TMEM178B: variants seen among roughly 807,000 people sequenced by gnomAD.
The protein encoded by TMEM178B is transmembrane protein 178B.
A neutral mutation model predicts 31.0 loss-of-function variants in TMEM178B; 5 were observed. That is an observed-to-expected ratio of 0.16 (90% CI 0.08 to 0.34). The LOEUF is 0.34. TMEM178B is among the 10% of genes least tolerant of loss of function. The pLI, the probability that TMEM178B is intolerant of heterozygous loss-of-function variation, is 1.00. For missense variants in TMEM178B, 275 were observed against 400.3 expected, an observed-to-expected ratio of 0.69 and a Z score of 2.67; for synonymous variants, 164 against 164.0, an observed-to-expected ratio of 1.00 and a Z score of 0.00.
chr7:141,364,521 A>G (rs550352667), intron 2 of TMEM178B, among the ~76,000 whole-genome samples: 2 of 152,086 alleles, frequency 1.3e-5, no homozygotes, highest in East Asian at 1.9e-4. Flanking sequence ...TTAGCCGGGC[A>G]TGGTGGCACG....
chr7:141,353,273 C>T (rs1489691945), intron 2 of TMEM178B, among the ~76,000 whole-genome samples: 1 of 152,134 alleles, frequency 6.6e-6, no homozygotes, highest in Non-Finnish European at 1.5e-5. Flanking sequence ...TAAGAATGCC[C>T]TCATGAGCAT....
At chr7:141,312,417 G>C (rs1194778784) in intron 2 of TMEM178B, among the ~76,000 whole-genome samples, 2 of 152,340 alleles carry the variant, frequency 1.3e-5, no homozygotes, top group Middle Eastern at 3.4e-3. Flanking sequence ...GAGTAATCAT[G>C]AAGCTATTCT....
chr7:141,287,426 C>G (rs1231589470), intron 2 of TMEM178B, among the ~76,000 whole-genome samples: 1 of 152,032 alleles, frequency 6.6e-6, no homozygotes, highest in African/African-American at 2.4e-5. Flanking sequence ...TTTAATCAAC[C>G]CTCAACCCTT....
intron 2 of TMEM178B, among the ~76,000 whole-genome samples, chr7:141,312,983 A>T (rs1440999445): frequency 1.3e-5 from 2 of 152,230 alleles, no homozygotes; most frequent in Admixed American, 6.5e-5. Context: ...GAGGGAGAAG[A>T]TAAAGAATGC....
At chr7:141,437,801 A>G (rs1801575829) in intron 3 of TMEM178B, 56 bp downstream of exon 3, 4 of 1,532,074 alleles carry the variant, frequency 2.6e-6, no homozygotes, top group Non-Finnish European at 3.5e-6. Context: ...GTTTACCACA[A>G]TTTGGGGAGA....
rs370510199 is a variant in TMEM178B at position 141,183,741 on chromosome 7, T to C, written c.383-28850T>C. 1.5e-3 allele frequency among the ~76,000 whole-genome samples: 234 copies of C among 152,336 alleles called. 9 individuals are homozygous for C. In the South Asian group the frequency reaches 0.042, roughly 27 times the overall value. On this transcript the variant is annotated intron_variant, in intron 1 of 3. Coordinates refer to ENST00000565468, the MANE Select transcript of TMEM178B (RefSeq NM_001195278.2). ...ACCTTGTGTTGTTCATGATACCTAATGACATGAATGATGGATAATTATGAA... is the reference window on the plus strand; with the variant it reads ...ACCTTGTGTTGTTCATGATACCTAACGACATGAATGATGGATAATTATGAA...
At chr7:141,324,966 A>G (rs1799163899) in intron 2 of TMEM178B, among the ~76,000 whole-genome samples, 1 of 152,100 alleles carries the variant, frequency 6.6e-6, no homozygotes, top group Non-Finnish European at 1.5e-5. Context: ...AATGATTAGG[A>G]TGTCACAATT....
intron 2 of TMEM178B, among the ~76,000 whole-genome samples, chr7:141,218,104 G>C (rs187157957): frequency 1.3e-5 from 2 of 151,842 alleles, no homozygotes; most frequent in East Asian, 2.0e-4. Flanking sequence ...ACACAGACAC[G>C]AGCTCACTCA....
At chr7:141,083,960 A>G (rs1563083175) in intron 1 of TMEM178B, among the ~76,000 whole-genome samples, 1 of 151,648 alleles carries the variant, frequency 6.6e-6, no homozygotes, top group South Asian at 2.1e-4. Flanking sequence ...ACATGCCGCC[A>G]TGCCTGGCTA....
chr7:141,482,480 C>T (rs555605970), downstream of TMEM178B, among the ~76,000 whole-genome samples: 1 of 152,346 alleles, frequency 6.6e-6, no homozygotes, highest in South Asian at 2.1e-4. Flanking sequence ...GGTATCCCAA[C>T]AACTAGCAGC....
chr7:141,348,432 C>A (rs1042603236), intron 2 of TMEM178B, among the ~76,000 whole-genome samples: 11 of 152,150 alleles, frequency 7.2e-5, no homozygotes, highest in African/African-American at 2.4e-4. Context: ...TGTGAAGGAA[C>A]GGCATTCCGA....
chr7:141,256,940 T>C lies in TMEM178B; in HGVS notation c.496+44236T>C, dbSNP rs138211105. 3.7e-3 allele frequency among the ~76,000 whole-genome samples: 570 copies of C among 152,280 alleles called. 7 individuals carry two copies. Among genetic ancestry groups the C allele is most frequent in the African/African-American group, 0.013 (537 of 41,550 alleles). On this transcript the variant is annotated intron_variant, in intron 2 of 3. Transcript: ENST00000565468. ...GATGCTGAGTTGGACAGTACAATATTTGTATCTGGAGTTGAGGGGAACAGG... is the reference window on the plus strand; with the variant it reads ...GATGCTGAGTTGGACAGTACAATATCTGTATCTGGAGTTGAGGGGAACAGG...
chr7:141,454,933 A>G (rs1389091198), intron 3 of TMEM178B, among the ~76,000 whole-genome samples: 1 of 151,696 alleles, frequency 6.6e-6, no homozygotes, highest in Non-Finnish European at 1.5e-5. Context: ...TAGAGCTAAA[A>G]GGGCTGCCAG....
chr7:141,278,792 T>G (rs1445543430), intron 2 of TMEM178B, among the ~76,000 whole-genome samples: 2 of 152,086 alleles, frequency 1.3e-5, no homozygotes, highest in African/African-American at 4.8e-5. Context: ...GTCCGTCTAG[T>G]TAGCCTGGAA....
intron 2 of TMEM178B, among the ~76,000 whole-genome samples, chr7:141,395,347 A>G (rs182197605): frequency 1.4e-3 from 212 of 152,322 alleles, no homozygotes; most frequent in African/African-American, 5.0e-3. Context: ...AGGCTGAGGC[A>G]GGAAGACCAC....
chr7:141,336,960 TCACTACC>T (rs1799411642), intron 2 of TMEM178B, among the ~76,000 whole-genome samples: 2 of 29,510 alleles, frequency 6.8e-5, no homozygotes, highest in Non-Finnish European at 6.4e-5. Context: ...ACCACCACCA[TCACTACC>T]ACCACCACCA....
At chr7:141,460,693 C>T (rs751523404) in intron 3 of TMEM178B, among the ~76,000 whole-genome samples, 1 of 152,204 alleles carries the variant, frequency 6.6e-6, no homozygotes, top group Non-Finnish European at 1.5e-5. Context: ...GCAGAGCAGT[C>T]GTGTCGTGTA....
chr7:141,349,516 G>T (rs546478729), intron 2 of TMEM178B, among the ~76,000 whole-genome samples: 17 of 152,324 alleles, frequency 1.1e-4, no homozygotes, highest in Admixed American at 2.0e-4. Context: ...TCTGTATGAG[G>T]TGCTTGGGTT....
At chr7:141,494,267 C>T in the TMEM178B span, among the ~76,000 whole-genome samples, 10 of 152,090 alleles carry the variant, frequency 6.6e-5, no homozygotes, top group Admixed American at 3.3e-4. Flanking sequence ...TTATTGAATT[C>T]GGTGGACACA....
Sources: gnomAD v4.1 joint callset for allele counts (sites outside exome capture counted in the v4.1 genomes callset) on GRCh38, gnomAD v4.1.1 for gene constraint, MANE v1.5 for transcripts, NCBI Gene and HGNC (gene_info 2026-07-23, HGNC 2026-07-21) for gene names.